ZNF236: variants seen among roughly 807,000 people sequenced by gnomAD.
ZNF236 encodes regulated by glucose.
Under a neutral mutation model 191.2 loss-of-function variants are expected in ZNF236, and 50 were observed. That is an observed-to-expected ratio of 0.26 (90% CI 0.21 to 0.33). ZNF236 has a LOEUF of 0.33. Among genes scored for constraint, ZNF236 ranks in the 10% least tolerant of loss-of-function variants. The probability of loss-of-function intolerance (pLI) is 1.00; values close to 1 mark genes in which losing one functional copy is unlikely to be tolerated. For missense variants in ZNF236, 1,754 were observed against 2,374.5 expected, an observed-to-expected ratio of 0.74 and a Z score of 5.43; for synonymous variants, 907 against 928.8, an observed-to-expected ratio of 0.98 and a Z score of 0.43.
rs769832417 is a variant in ZNF236, at chr18:76,910,165, C to G, written c.2649C>G (p.Pro883=). The change falls in exon 15 of 31, where the codon CCC becomes CCG. Residue 883 remains proline (P), a synonymous_variant. Coordinates refer to ENST00000320610, the MANE Select transcript of ZNF236 (RefSeq NM_001306089.2). ...AQQSFEPAGL[P]QGFTVTDTYH... is the part of the protein sequence containing the mutation. Reference sequence around the variant, plus strand: ...AGTCCTTCGAACCAGCAGGGCTACCCCAAGGTCAGTGGTGGGTTTTCAATG... The same window carrying G: ...AGTCCTTCGAACCAGCAGGGCTACCGCAAGGTCAGTGGTGGGTTTTCAATG... 2 of 1,610,926 alleles carry G rather than the reference C, an allele frequency of 1.2e-6. No individual in the cohort carries two copies. Among genetic ancestry groups the G allele is most frequent in the Non-Finnish European group, 1.7e-6 (2 of 1,177,422 alleles).
At chr18:76,962,906 C>G (rs1291973861) in intron 30 of ZNF236, among the ~76,000 whole-genome samples, 1 of 152,172 alleles carries the variant, frequency 6.6e-6, no homozygotes, top group Non-Finnish European at 1.5e-5. Flanking sequence ...AGAAGAGCTA[C>G]TGATTTCTTT....
At chr18:76,893,718 G>T (rs1393721836) in intron 9 of ZNF236, among the ~76,000 whole-genome samples, 1 of 152,204 alleles carries the variant, frequency 6.6e-6, no homozygotes, top group Admixed American at 6.5e-5. Flanking sequence ...TTGCCATGTT[G>T]CCCAGGCTGA....
At chr18:76,955,738 G>A (rs1420451972) in intron 27 of ZNF236, among the ~76,000 whole-genome samples, 2 of 152,170 alleles carry the variant, frequency 1.3e-5, no homozygotes, top group Non-Finnish European at 2.9e-5. Flanking sequence ...CCTGGTCAGT[G>A]CGGCGCCAGA....
intron 7 of ZNF236, among the ~76,000 whole-genome samples, chr18:76,879,257 A>G (rs571068481): frequency 6.6e-6 from 1 of 152,310 alleles, no homozygotes; most frequent in Non-Finnish European, 1.5e-5. Flanking sequence ...AGAAACCTGG[A>G]ATCTCCCTTA....
chr18:76,960,986 C>A lies in ZNF236; in HGVS notation c.5419+131C>A. The A allele has an allele frequency of 2.0e-6, 2 of 1,016,034 alleles. No individual in the cohort carries two copies. Among genetic ancestry groups the A allele is most frequent in the African/African-American group, 1.6e-5 (1 of 61,654 alleles). The allele number at this position is 1,016,034 out of a possible 1,614,324, so 62.9% of individuals were successfully genotyped here. On this transcript the variant is annotated intron_variant, in intron 30 of 30. Coordinates refer to ENST00000320610, the MANE Select transcript of ZNF236 (RefSeq NM_001306089.2). This position sits in a 1 kb window ranked among gnomAD's most constrained non-coding sequence, Gnocchi z 4.4. ...CGTGGTACAGCCTCAGTTGTGTGGA[C>A]TGGAAGCTTGTGCTTTATTTTATTT...
rs192338421 is a variant in ZNF236, at chr18:76,823,558, G to A, written c.55+896G>A. Among the ~76,000 whole-genome samples the A allele has an allele frequency of 3.4e-3, 522 of 152,336 alleles. 9 individuals are homozygous for A. The highest frequency in any genetic ancestry group is 0.032 in the Admixed American group (490 of 15,302). ...AGATCGTGCACACAGTAGGCGTCAG[G>A]AAGTGTTTTCCCCAGTAATTTATTC... On this transcript the variant is annotated intron_variant, in intron 1 of 30. Coordinates refer to ENST00000320610, the MANE Select transcript of ZNF236 (RefSeq NM_001306089.2).
intron 4 of ZNF236, among the ~76,000 whole-genome samples, chr18:76,869,688 G>T (rs1003784344): frequency 2.0e-5 from 3 of 152,196 alleles, no homozygotes; most frequent in Non-Finnish European, 4.4e-5. Flanking sequence ...AGGCACAGTA[G>T]TTCACACCTG....
At chr18:76,951,052 A>G (rs1968394784) in intron 27 of ZNF236, among the ~76,000 whole-genome samples, 2 of 152,228 alleles carry the variant, frequency 1.3e-5, no homozygotes, top group South Asian at 4.1e-4. Context: ...AATATTCAGC[A>G]AATCATGCTG....
At chr18:76,905,934 G>A (rs908376748) in intron 13 of ZNF236, among the ~76,000 whole-genome samples, 2 of 152,162 alleles carry the variant, frequency 1.3e-5, no homozygotes, top group East Asian at 3.8e-4. Flanking sequence ...GATGTAATCC[G>A]GAAGAGATGC....
At chr18:76,961,840 A>T (rs1160851408) in intron 30 of ZNF236, among the ~76,000 whole-genome samples, 1 of 152,102 alleles carries the variant, frequency 6.6e-6, no homozygotes, top group Admixed American at 6.5e-5. Context: ...ATTTTTTCAT[A>T]CGTTTGCTGG....
chr18:76,968,611 G>A lies in ZNF236; in HGVS notation c.*272G>A. ...CTCCTCAGTCTCCTCCGTGGCTAGT[G>A]TGTCTAGTTCACGAAGCAATTAACT... On this transcript the variant is annotated 3_prime_UTR_variant, in exon 31 of 31. Coordinates refer to ENST00000320610, the MANE Select transcript of ZNF236 (RefSeq NM_001306089.2). The A allele has an allele frequency of 8.3e-7, 1 of 1,204,064 alleles. No homozygotes were observed. Among genetic ancestry groups the A allele is most frequent in the East Asian group, 5.0e-5 (1 of 19,932 alleles). 74.6% of individuals were successfully genotyped at this position (1,204,064 alleles called of 1,614,324 possible).
chr18:76,880,049 T>A lies in ZNF236; in HGVS notation c.985-64T>A. On this transcript the variant is annotated intron_variant, in intron 7 of 30. Coordinates refer to ENST00000320610, the MANE Select transcript of ZNF236 (RefSeq NM_001306089.2). The surrounding 1 kb of genome is among the most constrained non-coding windows in gnomAD (Gnocchi z 5.0). ...AGGGTATTGCCTGTTTTTTTTTTTT[T>A]AATTTTCCTTTTTAAATTGAAGAGC... The A allele has an allele frequency of 6.7e-7, 1 of 1,491,672 alleles. No individual in the cohort carries two copies. The highest frequency in any genetic ancestry group is 9.1e-7 in the Non-Finnish European group (1 of 1,099,384). 92.4% of individuals were successfully genotyped at this position (1,491,672 alleles called of 1,614,324 possible).
rs371406733 is a variant in ZNF236, at chr18:76,955,994, G to C, written c.4924G>C (p.Val1642Leu). 1.2e-6 allele frequency: 2 copies of C among 1,608,852 alleles called. No individual in the cohort carries two copies. Among genetic ancestry groups the C allele is most frequent in the African/African-American group, 2.7e-5 (2 of 74,880 alleles). ...CEEIAYQVAG[V>L]SGNLAPGNQP... Reference sequence around the variant, plus strand: ...TTCTGGCTCTTTCCAGGTAGCTGGCGTCTCTGGGAACCTGGCCCCGGGCAA... The same window carrying C: ...TTCTGGCTCTTTCCAGGTAGCTGGCCTCTCTGGGAACCTGGCCCCGGGCAA... The change falls in exon 28 of 31, where the codon GTC becomes CTC. Residue 1642 changes from valine to leucine, a missense_variant. By Grantham distance (32) the Val-to-Leu change is conservative (BLOSUM62 1). Coordinates refer to ENST00000320610, the MANE Select transcript of ZNF236 (RefSeq NM_001306089.2).
intron 11 of ZNF236, among the ~76,000 whole-genome samples, chr18:76,900,223 G>T (rs1387385743): frequency 6.6e-6 from 1 of 151,994 alleles, no homozygotes; most frequent in African/African-American, 2.4e-5. Context: ...GTTATAAATT[G>T]GGGGCCACCA....
In ZNF236 at chr18:76,880,148, G is replaced by T; in HGVS notation, c.1020G>T (p.Thr340=). ...TTCAGACGTTACCTCTTCAACAGAC[G>T]GAAGCCCAAGCCACGTCGGCCTCAA... ...TLFQTLPLQQ[T]EAQATSASSQ... The change falls in exon 8 of 31, where the codon ACG becomes ACT. Residue 340 remains threonine, a synonymous_variant. Coordinates refer to ENST00000320610, the MANE Select transcript of ZNF236 (RefSeq NM_001306089.2). The surrounding 1 kb of genome is among the most constrained non-coding windows in gnomAD (Gnocchi z 5.0). 1.2e-6 allele frequency: 2 copies of T among 1,613,816 alleles called. No individual in the cohort carries two copies. Among genetic ancestry groups the T allele is most frequent in the South Asian group, 1.1e-5 (1 of 91,058 alleles).
intron 4 of ZNF236, among the ~76,000 whole-genome samples, chr18:76,869,655 A>G (rs1266656468): frequency 6.6e-6 from 1 of 152,048 alleles, no homozygotes; most frequent in African/African-American, 2.4e-5. Context: ...TCTCCAACAA[A>G]CTCTAAAAGG....
In ZNF236 at chr18:76,899,043, A is replaced by C. The variant is rs775151972; in HGVS notation, c.1715A>C (p.His572Pro). The C allele has an allele frequency of 3.1e-6, 5 of 1,614,108 alleles. No individual in the cohort carries two copies. Among genetic ancestry groups the C allele is most frequent in the Non-Finnish European group, 4.2e-6 (5 of 1,179,976 alleles). Reference sequence around the variant, plus strand: ...GGAGTTAGACCTTTTGCTTGTCCTCACTGTGACAAAAAATTTCGAACCTCA... The same window carrying C: ...GGAGTTAGACCTTTTGCTTGTCCTCCCTGTGACAAAAAATTTCGAACCTCA... ...HTGVRPFACPHCDKKFRTSGH... is the reference protein window; with the variant it reads ...HTGVRPFACPPCDKKFRTSGH... Residue 572 changes from histidine to proline, a missense_variant, in exon 11 of 31, where the codon CAC becomes CCC. His to Pro is a moderately conservative substitution (Grantham distance 77). This residue lies in a region of ZNF236 where 641 missense variants were observed against 869.6 expected (regional missense o/e 0.74). Coordinates refer to ENST00000320610, the MANE Select transcript of ZNF236 (RefSeq NM_001306089.2).
At chr18:76,942,546 C>G (rs1968155888) in intron 26 of ZNF236, among the ~76,000 whole-genome samples, 3 of 151,740 alleles carry the variant, frequency 2.0e-5, no homozygotes, top group Middle Eastern at 6.8e-3. Flanking sequence ...GAGTCTCGCT[C>G]TGTCGCCCAG....
chr18:76,931,825 C>T (rs1967859335), intron 25 of ZNF236, among the ~76,000 whole-genome samples: 1 of 152,136 alleles, frequency 6.6e-6, no homozygotes, highest in African/African-American at 2.4e-5. Context: ...TTCTCTTCAC[C>T]TTGTAGAGAT....
Sources: allele counts gnomAD v4.1 joint callset (sites outside exome capture counted in the v4.1 genomes callset), GRCh38; gene constraint gnomAD v4.1.1; regional missense constraint gnomAD v4.1.1; non-coding constraint Gnocchi (gnomAD v3.1); transcripts MANE v1.5; gene names NCBI Gene and HGNC (gene_info 2026-07-23, HGNC 2026-07-21).